Variants in VPS13B observed in about 807,000 individuals in gnomAD.
VPS13B encodes intermembrane lipid transfer protein VPS13B.
Under a neutral mutation model 426.4 loss-of-function variants are expected in VPS13B, and 285 were observed. The ratio of observed to expected loss-of-function variants is 0.67; its 90% CI spans 0.61 to 0.74. The LOEUF (loss-of-function observed/expected upper bound fraction) is 0.74. Among genes scored for constraint, VPS13B ranks in the 30% least tolerant of loss-of-function variants. The pLI is 0.00. For synonymous variants in VPS13B, 1,676 were observed against 1,676.4 expected, an observed-to-expected ratio of 1.00 and a Z score of 0.01; for missense variants, 4,537 against 4,782.6, an observed-to-expected ratio of 0.95 and a Z score of 1.51.
intron 17 of VPS13B, among the ~76,000 whole-genome samples, chr8:99,241,678 G>A (rs1282502851): frequency 6.6e-6 from 1 of 152,150 alleles, no homozygotes; most frequent in Non-Finnish European, 1.5e-5. Context: ...GGAAAAGCCA[G>A]TTATTCAAAA....
intron 17 of VPS13B, among the ~76,000 whole-genome samples, chr8:99,210,322 C>A (rs949947663): frequency 3.3e-5 from 5 of 152,146 alleles, no homozygotes; most frequent in Non-Finnish European, 5.9e-5. Flanking sequence ...GCATACAGTT[C>A]TTTTATTGAC....
intron 8 of VPS13B, 137 bp from the exon 9 acceptor site, chr8:99,134,494 TG>T: frequency 1.5e-6 from 1 of 658,678 alleles, no homozygotes; most frequent in Non-Finnish European, 2.6e-6. Context: ...CTGTTTTTGT[TG>T]CACCTGCTTT....
At chr8:99,268,446 A>G (rs1174402619) in intron 17 of VPS13B, among the ~76,000 whole-genome samples, 1 of 152,232 alleles carries the variant, frequency 6.6e-6, no homozygotes, top group Non-Finnish European at 1.5e-5. Context: ...AGAGCTGCCC[A>G]AGGCTGTGGG....
chr8:99,300,165 G>A (rs1024731003), intron 19 of VPS13B, among the ~76,000 whole-genome samples: 1 of 152,120 alleles, frequency 6.6e-6, no homozygotes, highest in African/African-American at 2.4e-5. Flanking sequence ...GTGTGTTTGT[G>A]TGTACACCAG....
intron 39 of VPS13B, among the ~76,000 whole-genome samples, chr8:99,741,173 C>G (rs1376296506): frequency 6.6e-6 from 1 of 152,102 alleles, no homozygotes. Flanking sequence ...GGGTTGCAAT[C>G]CTAGTCTCTG....
At chr8:99,430,563 C>T (rs759111228) in intron 21 of VPS13B, among the ~76,000 whole-genome samples, 3 of 151,980 alleles carry the variant, frequency 2.0e-5, no homozygotes, top group Non-Finnish European at 2.9e-5. Flanking sequence ...ATTATGAAAA[C>T]ATGGTTGAAA....
At chr8:99,019,940 A>G (rs935820293) in intron 2 of VPS13B, among the ~76,000 whole-genome samples, 1 of 152,240 alleles carries the variant, frequency 6.6e-6, no homozygotes, top group Non-Finnish European at 1.5e-5. Flanking sequence ...ATATGAAGGT[A>G]GGTGTACAAA....
At chr8:99,068,890 C>T (rs763653519) in intron 3 of VPS13B, among the ~76,000 whole-genome samples, 17 of 152,122 alleles carry the variant, frequency 1.1e-4, no homozygotes, top group Admixed American at 2.0e-4. Flanking sequence ...AGAGCCAAAC[C>T]ATATTATTTT....
chr8:99,528,664 G>A (rs992604279), intron 30 of VPS13B, among the ~76,000 whole-genome samples: 1 of 152,016 alleles, frequency 6.6e-6, no homozygotes, highest in African/African-American at 2.4e-5. Flanking sequence ...TTATCATTAA[G>A]TATCCTTACA....
chr8:99,130,385 G>A (rs1384734309), intron 8 of VPS13B, among the ~76,000 whole-genome samples: 1 of 146,896 alleles, frequency 6.8e-6, no homozygotes, highest in Non-Finnish European at 1.5e-5. Flanking sequence ...TAATGTTCGG[G>A]TCCTTTTTTT....
intron 30 of VPS13B, among the ~76,000 whole-genome samples, chr8:99,553,043 A>C (rs1824367847): frequency 6.6e-6 from 1 of 152,100 alleles, no homozygotes. Context: ...GCTTTATGTG[A>C]ATTGTCTTCT....
chr8:99,538,134 C>G (rs925407997), intron 30 of VPS13B, among the ~76,000 whole-genome samples: 2 of 151,962 alleles, frequency 1.3e-5, no homozygotes, highest in African/African-American at 2.4e-5. Flanking sequence ...ATATAAAGTT[C>G]AAGATGGAAA....
intron 19 of VPS13B, among the ~76,000 whole-genome samples, chr8:99,378,450 A>T (rs1236706977): frequency 6.6e-6 from 1 of 152,152 alleles, no homozygotes; most frequent in Non-Finnish European, 1.5e-5. Context: ...AGATGATGGG[A>T]TTAAGAGATT....
At chr8:99,152,035 T>A (rs1811105817) in intron 14 of VPS13B, among the ~76,000 whole-genome samples, 1 of 152,180 alleles carries the variant, frequency 6.6e-6, no homozygotes, top group Admixed American at 6.5e-5. Flanking sequence ...TTCATTGATT[T>A]CTGTTTTGAT....
At chr8:99,700,929 G>A (rs1302805678) in intron 36 of VPS13B, among the ~76,000 whole-genome samples, 4 of 152,094 alleles carry the variant, frequency 2.6e-5, no homozygotes, top group African/African-American at 7.2e-5. Flanking sequence ...GGGGATTGGG[G>A]ATAGTGCAGG....
chr8:99,639,607 T>C (rs1375266462), intron 33 of VPS13B, among the ~76,000 whole-genome samples: 1 of 150,652 alleles, frequency 6.6e-6, no homozygotes, highest in Non-Finnish European at 1.5e-5. Flanking sequence ...TCTTGACTTA[T>C]TTATTCTTAC....
chr8:99,707,032 G>T (rs1181384938), intron 36 of VPS13B, among the ~76,000 whole-genome samples: 1 of 152,124 alleles, frequency 6.6e-6, no homozygotes, highest in Non-Finnish European at 1.5e-5. Flanking sequence ...TTACTCCCTG[G>T]TTGGTCCCCT....
intron 39 of VPS13B, among the ~76,000 whole-genome samples, chr8:99,744,953 T>G (rs1810002828): frequency 6.6e-6 from 1 of 151,956 alleles, no homozygotes; most frequent in South Asian, 2.1e-4. Context: ...ACATGTACCC[T>G]AAAACTTAAA....
chr8:99,165,870 G>A (rs1295006910), intron 15 of VPS13B, among the ~76,000 whole-genome samples: 4 of 152,154 alleles, frequency 2.6e-5, no homozygotes, highest in African/African-American at 4.8e-5. Flanking sequence ...ATATTATGTA[G>A]GAACTTAAAT....
Sources: gnomAD v4.1 joint callset for allele counts (sites outside exome capture counted in the v4.1 genomes callset) on GRCh38, gnomAD v4.1.1 for gene constraint, MANE v1.5 for transcripts, NCBI Gene and HGNC (gene_info 2026-07-23, HGNC 2026-07-21) for gene names.